Variants in CSMD1 observed in about 807,000 individuals in gnomAD.
CSMD1 encodes CUB and Sushi multiple domains 1, also known as CUB and sushi domain-containing protein 1.
In CSMD1, 213 loss-of-function variants were observed where a neutral mutation model predicts 417.5. The ratio of observed to expected loss-of-function variants is 0.51; its 90% CI spans 0.46 to 0.57. The LOEUF (loss-of-function observed/expected upper bound fraction) is 0.57, where lower values mean the gene tolerates loss of function less well. Among genes scored for constraint, CSMD1 ranks in the 20% least tolerant of loss-of-function variants. The pLI, the probability that CSMD1 is intolerant of heterozygous loss-of-function variation, is 0.00. For synonymous variants in CSMD1, 2,862 were observed against 1,736.8 expected (o/e 1.65, Z -16.11); for missense variants, 6,923 against 4,529.7 (o/e 1.53, Z -15.17).
rs555885335 is a variant in CSMD1, at chr8:4,294,701, T to A, written c.415+125252A>T. Among the ~76,000 whole-genome samples, 12 of 152,280 alleles carry A rather than the reference T, an allele frequency of 7.9e-5. No homozygotes were observed. The East Asian group carries it at 2.3e-3, about 29-fold the overall frequency. On this transcript the variant is annotated intron_variant, in intron 3 of 69. Coordinates refer to ENST00000635120, the MANE Select transcript of CSMD1 (RefSeq NM_033225.6). ...AAATATTCTAAGATGACCATCTATTTTAGCTTCTCTTCTCATATAATCTAT... is the reference window on the plus strand; with the variant it reads ...AAATATTCTAAGATGACCATCTATTATAGCTTCTCTTCTCATATAATCTAT...
intron 5 of CSMD1, among the ~76,000 whole-genome samples, chr8:3,874,538 C>A (rs1476691910): frequency 1.3e-5 from 2 of 152,180 alleles, no homozygotes; most frequent in Non-Finnish European, 2.9e-5. Context: ...TGAAGACATA[C>A]AAGCAGCATC....
At chr8:4,539,065 T>C (rs542836233) in intron 2 of CSMD1, among the ~76,000 whole-genome samples, 15 of 152,332 alleles carry the variant, frequency 9.8e-5, no homozygotes, top group Admixed American at 9.8e-4. Flanking sequence ...CAGAAAAATG[T>C]GTGGCTTTTG....
At chr8:3,538,479 C>A (rs1220018002) in intron 10 of CSMD1, among the ~76,000 whole-genome samples, 1 of 152,118 alleles carries the variant, frequency 6.6e-6, no homozygotes, top group Non-Finnish European at 1.5e-5. Flanking sequence ...AGATGATACA[C>A]CTGAGATGCC....
chr8:3,881,492 C>G (rs1042147892), intron 5 of CSMD1, among the ~76,000 whole-genome samples: 35 of 151,064 alleles, frequency 2.3e-4, no homozygotes, highest in Non-Finnish European at 1.3e-4. Flanking sequence ...AAAAAATTAG[C>G]TGGGCGTAGT....
At chr8:3,281,062 C>G (rs1006748251) in intron 26 of CSMD1, among the ~76,000 whole-genome samples, 5 of 152,196 alleles carry the variant, frequency 3.3e-5, no homozygotes, top group African/African-American at 9.7e-5. Flanking sequence ...CTTACGTCCA[C>G]ACAAAAACCT....
At chr8:3,741,672 C>G (rs1796810542) in intron 6 of CSMD1, among the ~76,000 whole-genome samples, 1 of 152,210 alleles carries the variant, frequency 6.6e-6, no homozygotes, top group Non-Finnish European at 1.5e-5. Context: ...TTCTAAACTT[C>G]TAACTGGGAA....
intron 3 of CSMD1, among the ~76,000 whole-genome samples, chr8:4,062,836 C>G (rs1799049045): frequency 2.0e-5 from 3 of 150,368 alleles, no homozygotes; most frequent in Admixed American, 2.0e-4. Context: ...CTTTGTGTGT[C>G]AAAACCCTAC....
chr8:4,525,775 A>G (rs1796482293), intron 2 of CSMD1, among the ~76,000 whole-genome samples: 1 of 152,216 alleles, frequency 6.6e-6, no homozygotes, highest in East Asian at 1.9e-4. Flanking sequence ...ATCAATAGCC[A>G]GCATTCCACA....
At chr8:3,281,906 T>C (rs763421214) in intron 26 of CSMD1, among the ~76,000 whole-genome samples, 2 of 152,144 alleles carry the variant, frequency 1.3e-5, no homozygotes, top group African/African-American at 4.8e-5. Flanking sequence ...GCTGTCTTCA[T>C]GATAGAGTTC....
chr8:3,997,559 T>C (rs1458362130), intron 5 of CSMD1, among the ~76,000 whole-genome samples: 1 of 152,030 alleles, frequency 6.6e-6, no homozygotes, highest in African/African-American at 2.4e-5. Context: ...TAAAAGAAAA[T>C]ACACAATCTA....
At chr8:4,447,333 G>C (rs772286736) in intron 2 of CSMD1, among the ~76,000 whole-genome samples, 1 of 152,138 alleles carries the variant, frequency 6.6e-6, no homozygotes, top group Admixed American at 6.5e-5. Flanking sequence ...TCAGAATGTG[G>C]TCATTCAAAA....
chr8:2,978,372 A>G (rs544459757), intron 55 of CSMD1, among the ~76,000 whole-genome samples: 1 of 152,176 alleles, frequency 6.6e-6, no homozygotes, highest in Non-Finnish European at 1.5e-5. Context: ...AGTGGCATCC[A>G]ATAACCTGGG....
intron 1 of CSMD1, among the ~76,000 whole-genome samples, chr8:4,755,346 T>A (rs191147962): frequency 2.6e-5 from 4 of 152,344 alleles, no homozygotes; most frequent in Admixed American, 2.0e-4. Flanking sequence ...TGGGATATTA[T>A]CTTCTGCTTT....
intron 6 of CSMD1, among the ~76,000 whole-genome samples, chr8:3,752,968 C>A (rs540906080): frequency 3.9e-5 from 6 of 152,256 alleles, no homozygotes; most frequent in East Asian, 1.9e-4. Flanking sequence ...AAATCTCCAG[C>A]AGGAGCTATA....
intron 12 of CSMD1, among the ~76,000 whole-genome samples, chr8:3,467,592 C>A (rs1449476066): frequency 1.3e-5 from 2 of 152,150 alleles, no homozygotes; most frequent in African/African-American, 4.8e-5. Flanking sequence ...CCAACACACC[C>A]CGTGTGTCAG....
At chr8:4,470,001 G>A (rs1423366048) in intron 2 of CSMD1, among the ~76,000 whole-genome samples, 2 of 151,916 alleles carry the variant, frequency 1.3e-5, no homozygotes, top group Non-Finnish European at 2.9e-5. Flanking sequence ...CCGAGTAGCT[G>A]GGATTACAGG....
intron 3 of CSMD1, among the ~76,000 whole-genome samples, chr8:4,036,959 GT>G (rs1563347425): frequency 0.018 from 176 of 9,820 alleles, 1 homozygote; most frequent in East Asian, 0.055. Flanking sequence ...AGTGTGGGGT[GT>G]GTGTGTGTGT....
intron 10 of CSMD1, among the ~76,000 whole-genome samples, chr8:3,560,120 T>C (rs947819718): frequency 9.2e-5 from 14 of 152,244 alleles, no homozygotes; most frequent in Middle Eastern, 3.4e-3. Flanking sequence ...TTCGAACTTG[T>C]AGTGCTGGGT....
chr8:4,344,215 C>A (rs77974528), intron 3 of CSMD1, among the ~76,000 whole-genome samples: 1 of 152,064 alleles, frequency 6.6e-6, no homozygotes, highest in African/African-American at 2.4e-5. Flanking sequence ...TGGAGACTTT[C>A]CTCTGTTTTC....
Sources: gnomAD v4.1 joint callset for allele counts (sites outside exome capture counted in the v4.1 genomes callset) on GRCh38, gnomAD v4.1.1 for gene constraint, MANE v1.5 for transcripts, NCBI Gene and HGNC (gene_info 2026-07-23, HGNC 2026-07-21) for gene names.